The following GNB4 variants were observed in gnomAD, a reference collection of about 807,000 sequenced individuals.
The protein encoded by GNB4 is G protein subunit beta 4, also known as guanine nucleotide-binding protein subunit beta-4.
A neutral mutation model predicts 45.2 loss-of-function variants in GNB4; 28 were observed. The ratio of observed to expected loss-of-function variants is 0.62; its 90% CI spans 0.46 to 0.85. GNB4 has a LOEUF of 0.85. GNB4 is among the 40% of genes least tolerant of loss of function. GNB4 has a pLI of 0.00. For synonymous variants in GNB4, 132 were observed against 143.7 expected, an observed-to-expected ratio of 0.92 and a Z score of 0.58; for missense variants, 321 against 425.4, an observed-to-expected ratio of 0.75 and a Z score of 2.16.
chr3:179,408,426 A>G (rs1030775681), intron 8 of GNB4, among the ~76,000 whole-genome samples: 2 of 152,194 alleles, frequency 1.3e-5, no homozygotes, highest in Non-Finnish European at 2.9e-5. Flanking sequence ...AGCTCTGGGA[A>G]AACTTCAAGT....
At position 179,409,404 on chromosome 3, in the gene GNB4, C is replaced by T. The variant is rs141094952; in HGVS notation, c.700-3998G>A. Among the ~76,000 whole-genome samples, 347 of 151,516 alleles carry T rather than the reference C, an allele frequency of 2.3e-3. 1 individual carries two copies. The highest frequency in any genetic ancestry group is 7.9e-3 in the African/African-American group (326 of 41,228). ...GCTCATGCCTGTAATCCCAGGTACT[C>T]GGGAGGCTGAGGCAGGAGAATCACT... On this transcript the variant is annotated intron_variant, in intron 8 of 9. Transcript: ENST00000232564.
At chr3:179,430,073 GACAGACAGACAGAC>G (rs751327871) in intron 1 of GNB4, among the ~76,000 whole-genome samples, 53 of 62,324 alleles carry the variant, frequency 8.5e-4, no homozygotes, top group East Asian at 5.3e-3. Context: ...CTGAGAGAGA[GACAGACAGACAGAC>G]AGACAGACAG....
intron 4 of GNB4, among the ~76,000 whole-genome samples, chr3:179,418,406 G>A (rs966799184): frequency 2.1e-5 from 3 of 145,840 alleles, no homozygotes; most frequent in African/African-American, 7.5e-5. Context: ...GGAGGCAGAG[G>A]TTGCAGTGAG....
intron 1 of GNB4, among the ~76,000 whole-genome samples, chr3:179,427,325 T>A (rs759453625): frequency 2.0e-5 from 3 of 151,996 alleles, no homozygotes; most frequent in African/African-American, 7.2e-5. Flanking sequence ...ATGTAAAGGG[T>A]CTGGTGTGGT....
the GNB4 span, among the ~76,000 whole-genome samples, chr3:179,479,261 C>A: frequency 4.6e-5 from 7 of 152,212 alleles, no homozygotes; most frequent in South Asian, 6.2e-4. Context: ...CCAAGACACA[C>A]CTCTAACAAG....
At chr3:179,488,590 A>C in the GNB4 span, among the ~76,000 whole-genome samples, 1 of 152,294 alleles carries the variant, frequency 6.6e-6, no homozygotes, top group African/African-American at 2.4e-5. Flanking sequence ...AGTTGACAAT[A>C]GGAACAATGC....
the GNB4 span, among the ~76,000 whole-genome samples, chr3:179,519,857 A>G: frequency 8.2e-4 from 125 of 152,144 alleles, 1 homozygote; most frequent in Non-Finnish European, 1.2e-3. Context: ...ATCCCATCCC[A>G]CAGCATGTTT....
chr3:179,488,296 A>G, the GNB4 span, among the ~76,000 whole-genome samples: 1 of 152,174 alleles, frequency 6.6e-6, no homozygotes, highest in African/African-American at 2.4e-5. Flanking sequence ...TTTAAATGTT[A>G]AGTCCTCCAC....
chr3:179,488,138 T>C, the GNB4 span, among the ~76,000 whole-genome samples: 1 of 152,160 alleles, frequency 6.6e-6, no homozygotes, highest in Non-Finnish European at 1.5e-5. Context: ...ACTACAGCTT[T>C]GATTGGACAA....
At chr3:179,524,333 G>A in the GNB4 span, among the ~76,000 whole-genome samples, 1 of 152,256 alleles carries the variant, frequency 6.6e-6, no homozygotes, top group African/African-American at 2.4e-5. Flanking sequence ...CACATGGCTT[G>A]GGAGGAATCC....
At chr3:179,404,048 C>T (rs1019294207) in intron 9 of GNB4, among the ~76,000 whole-genome samples, 6 of 151,650 alleles carry the variant, frequency 4.0e-5, no homozygotes, top group African/African-American at 1.2e-4. Flanking sequence ...AAAATGGATC[C>T]GCTCCGAGAC....
In GNB4 at chr3:179,400,953, G is replaced by A. The variant is rs1455669987; in HGVS notation, c.*260C>T. The A allele has an allele frequency of 2.9e-6, 1 of 344,794 alleles. No homozygotes were observed. The highest frequency in any genetic ancestry group is 4.8e-5 in the East Asian group (1 of 21,016). The allele number at this position is 344,794 out of a possible 1,614,324, so 21.4% of individuals were successfully genotyped here. A position where few individuals can be genotyped will look rare whatever the true frequency, so the allele number is the denominator to read the frequency against. On this transcript the variant is annotated 3_prime_UTR_variant, in exon 10 of 10. Coordinates refer to ENST00000232564, the MANE Select transcript of GNB4 (RefSeq NM_021629.4). ...TCTACACAAAGAAAATACACTCTGAGTACACACAACAATTCACCAAGGTTA... is the reference window on the plus strand; with the variant it reads ...TCTACACAAAGAAAATACACTCTGAATACACACAACAATTCACCAAGGTTA...
the GNB4 span, among the ~76,000 whole-genome samples, chr3:179,474,739 T>TC: frequency 1.1e-4 from 14 of 131,986 alleles, no homozygotes; most frequent in Non-Finnish European, 2.1e-4. Flanking sequence ...ACTGGGTCCT[T>TC]TTTTTTTTTT....
chr3:179,410,065 ATT>A (rs951523833), intron 8 of GNB4, among the ~76,000 whole-genome samples: 1 of 152,080 alleles, frequency 6.6e-6, no homozygotes, highest in African/African-American at 2.4e-5. Context: ...CTCGGCACTC[ATT>A]CTCTCTCCTG....
At chr3:179,440,515 T>C (rs1715567275) in intron 1 of GNB4, among the ~76,000 whole-genome samples, 1 of 152,196 alleles carries the variant, frequency 6.6e-6, no homozygotes, top group Non-Finnish European at 1.5e-5. Context: ...TTACATGTTT[T>C]ATTATTTTTT....
At chr3:179,429,034 C>T (rs1715227739) in intron 1 of GNB4, among the ~76,000 whole-genome samples, 1 of 152,212 alleles carries the variant, frequency 6.6e-6, no homozygotes, top group South Asian at 2.1e-4. Context: ...GGATGGGGCA[C>T]CGATGGGATG....
the GNB4 span, among the ~76,000 whole-genome samples, chr3:179,465,832 T>A: frequency 6.7e-6 from 1 of 149,692 alleles, no homozygotes; most frequent in Admixed American, 6.7e-5. Flanking sequence ...TCTTTTTTTT[T>A]TTTTTGTAGA....
the GNB4 span, among the ~76,000 whole-genome samples, chr3:179,524,211 A>G: frequency 2.0e-5 from 3 of 152,222 alleles, no homozygotes; most frequent in African/African-American, 7.2e-5. Context: ...TAAGCCAAGG[A>G]GATCTGGGAA....
the GNB4 span, among the ~76,000 whole-genome samples, chr3:179,519,599 C>A: frequency 6.6e-6 from 1 of 152,192 alleles, no homozygotes; most frequent in Non-Finnish European, 1.5e-5. Flanking sequence ...GTTATCCCCA[C>A]CTGCCCACCT....
Sources: allele counts gnomAD v4.1 joint callset (sites outside exome capture counted in the v4.1 genomes callset), GRCh38; gene constraint gnomAD v4.1.1; transcripts MANE v1.5; gene names NCBI Gene and HGNC (gene_info 2026-07-23, HGNC 2026-07-21).